The following ADGRG7 variants were observed in gnomAD, a reference collection of about 807,000 sequenced individuals.
The protein encoded by ADGRG7 is adhesion G protein-coupled receptor G7.
Under a neutral mutation model 88.6 loss-of-function variants are expected in ADGRG7, and 82 were observed. The observed-to-expected ratio is 0.93, with a 90% confidence interval of 0.77 to 1.11. The LOEUF is 1.11. Among genes scored for constraint, ADGRG7 ranks in the 50% most tolerant of loss-of-function variants. The pLI is 0.00. For missense variants in ADGRG7, 945 were observed against 953.4 expected, an observed-to-expected ratio of 0.99 and a Z score of 0.12; for synonymous variants, 381 against 345.2, an observed-to-expected ratio of 1.10 and a Z score of -1.15.
chr3:100,644,711 T>G (rs1033938674), intron 8 of ADGRG7, among the ~76,000 whole-genome samples: 4 of 152,032 alleles, frequency 2.6e-5, no homozygotes, highest in African/African-American at 9.7e-5. Context: ...AAATTTTTTT[T>G]GTAGAGACAG....
intron 15 of ADGRG7, among the ~76,000 whole-genome samples, chr3:100,679,570 C>T (rs1198225358): frequency 2.0e-5 from 3 of 152,192 alleles, no homozygotes; most frequent in African/African-American, 4.8e-5. Context: ...CCACCTCTCT[C>T]CTCCTTACAG....
intron 15 of ADGRG7, among the ~76,000 whole-genome samples, chr3:100,670,526 G>T (rs1401726128): frequency 6.6e-6 from 1 of 152,134 alleles, no homozygotes; most frequent in Non-Finnish European, 1.5e-5. Context: ...ATATCTAGCA[G>T]TAGGATTGCT....
chr3:100,641,318 T>C (rs1047150867), intron 6 of ADGRG7, among the ~76,000 whole-genome samples: 3 of 152,248 alleles, frequency 2.0e-5, no homozygotes, highest in Non-Finnish European at 4.4e-5. Flanking sequence ...TATATAAGGC[T>C]TATAGTAATG....
At chr3:100,690,323 C>T (rs541377493) in intron 15 of ADGRG7, among the ~76,000 whole-genome samples, 2 of 151,864 alleles carry the variant, frequency 1.3e-5, no homozygotes, top group East Asian at 3.9e-4. Flanking sequence ...GTTCGAACTT[C>T]CTCCTTTAGC....
chr3:100,686,219 G>T (rs2094982392), intron 15 of ADGRG7, among the ~76,000 whole-genome samples: 1 of 151,890 alleles, frequency 6.6e-6, no homozygotes, highest in Non-Finnish European at 1.5e-5. Context: ...TTTTGATGGG[G>T]TTGTTTGTTT....
chr3:100,653,518 A>G (rs981360774), intron 11 of ADGRG7, among the ~76,000 whole-genome samples: 2 of 152,238 alleles, frequency 1.3e-5, no homozygotes, highest in Non-Finnish European at 2.9e-5. Flanking sequence ...CCTCTTCTAC[A>G]GATGGCCTTC....
At chr3:100,630,153 G>T (rs1304528501) in intron 2 of ADGRG7, among the ~76,000 whole-genome samples, 2 of 151,998 alleles carry the variant, frequency 1.3e-5, no homozygotes, top group African/African-American at 4.8e-5. Flanking sequence ...CTACCTTGAA[G>T]AGTTGTTATT....
intron 11 of ADGRG7, among the ~76,000 whole-genome samples, chr3:100,652,392 C>T (rs1182224195): frequency 3.9e-5 from 6 of 152,044 alleles, no homozygotes; most frequent in Non-Finnish European, 8.8e-5. Flanking sequence ...AATAGAGAGG[C>T]ATTTGAAGGT....
At chr3:100,628,812 C>T (rs541107364) in intron 1 of ADGRG7, among the ~76,000 whole-genome samples, 22 of 152,276 alleles carry the variant, frequency 1.4e-4, no homozygotes, top group African/African-American at 4.8e-4. Context: ...TTCTTAGAGT[C>T]ACTGCTTGAG....
rs185560140 is a variant in ADGRG7 at position 100,627,112 on chromosome 3, G to A, written c.116-2486G>A. On this transcript the variant is annotated intron_variant, in intron 1 of 15. Transcript: ENST00000273352. ...AGCATCTTCAGCACCATGTTGAATCGAAGTGGTTATAGCAATTATATTGAA... is the reference window on the plus strand; with the variant it reads ...AGCATCTTCAGCACCATGTTGAATCAAAGTGGTTATAGCAATTATATTGAA... Among the ~76,000 whole-genome samples the A allele has an allele frequency of 1.8e-3, 268 of 152,120 alleles. 1 individual carries two copies. The highest frequency in any genetic ancestry group is 1.3e-3 in the Non-Finnish European group (86 of 67,986).
intron 2 of ADGRG7, among the ~76,000 whole-genome samples, 168 bp from the exon 3 acceptor site, chr3:100,630,537 G>A (rs1391913341): frequency 6.6e-6 from 1 of 152,130 alleles, no homozygotes; most frequent in Non-Finnish European, 1.5e-5. Flanking sequence ...TAACGGCAAT[G>A]ACTTAACCAG....
intron 6 of ADGRG7, among the ~76,000 whole-genome samples, chr3:100,642,119 C>A (rs144162651): frequency 2.6e-5 from 4 of 152,196 alleles, no homozygotes; most frequent in Non-Finnish European, 5.9e-5. Context: ...TCCTGTATAT[C>A]TACCACATCT....
chr3:100,656,070 G>A, intron 13 of ADGRG7, 75 bp downstream of exon 13: 1 of 816,940 alleles, frequency 1.2e-6, no homozygotes, highest in Middle Eastern at 2.3e-4. Context: ...GACTCCGAGT[G>A]TCACTGTAAT....
intron 15 of ADGRG7, among the ~76,000 whole-genome samples, chr3:100,687,861 G>A (rs1024947602): frequency 6.6e-6 from 1 of 152,150 alleles, no homozygotes; most frequent in Admixed American, 6.5e-5. Context: ...GTCTCTGCCA[G>A]GCTTTGGTAT....
At chr3:100,622,922 G>GT (rs1297269216) in intron 1 of ADGRG7, among the ~76,000 whole-genome samples, 11 of 141,928 alleles carry the variant, frequency 7.8e-5, no homozygotes, top group East Asian at 2.0e-4. Flanking sequence ...GAAAATTTTT[G>GT]TTTTTGTTTT....
chr3:100,681,511 A>C (rs1317099923), intron 15 of ADGRG7, among the ~76,000 whole-genome samples: 2 of 152,026 alleles, frequency 1.3e-5, no homozygotes, highest in African/African-American at 4.8e-5. Context: ...GGGTTTCACC[A>C]TGTTGGCCAG....
intron 15 of ADGRG7, among the ~76,000 whole-genome samples, chr3:100,692,307 C>T (rs2094995227): frequency 6.6e-6 from 1 of 152,160 alleles, no homozygotes; most frequent in African/African-American, 2.4e-5. Flanking sequence ...AGGGATATAA[C>T]TCAGTTCTTT....
intron 13 of ADGRG7, among the ~76,000 whole-genome samples, chr3:100,658,453 A>G (rs536888251): frequency 1.3e-5 from 2 of 152,278 alleles, no homozygotes; most frequent in South Asian, 4.1e-4. Context: ...ATGTCTCTCC[A>G]TCTTGTCTAG....
chr3:100,690,394 C>T (rs913402876), intron 15 of ADGRG7, among the ~76,000 whole-genome samples: 3 of 152,192 alleles, frequency 2.0e-5, no homozygotes, highest in Non-Finnish European at 2.9e-5. Context: ...ATTCTCCATC[C>T]AGCTTTGTTC....
Sources: gnomAD v4.1 joint callset for allele counts (sites outside exome capture counted in the v4.1 genomes callset) on GRCh38, gnomAD v4.1.1 for gene constraint, MANE v1.5 for transcripts, NCBI Gene and HGNC (gene_info 2026-07-23, HGNC 2026-07-21) for gene names.